PTPRS: variants seen among roughly 807,000 people sequenced by gnomAD.
PTPRS encodes the protein protein tyrosine phosphatase receptor type S.
In PTPRS, 63 loss-of-function variants were observed where a neutral mutation model predicts 215.3. That is an observed-to-expected ratio of 0.29 (90% CI 0.24 to 0.36). The LOEUF (loss-of-function observed/expected upper bound fraction) is 0.36, where lower values mean the gene tolerates loss of function less well. PTPRS is among the 10% of genes least tolerant of loss of function. The pLI is 1.00. For synonymous variants in PTPRS, 1,404 were observed against 1,191.4 expected (o/e 1.18, Z -3.68); for missense variants, 2,258 against 2,825.8 (o/e 0.80, Z 4.56).
rs951488381 is a variant in PTPRS, at chr19:5,295,975, C to T, written c.-94-9741G>A. 3.3e-5 allele frequency among the ~76,000 whole-genome samples: 5 copies of T among 152,256 alleles called. No homozygotes were observed. Among genetic ancestry groups the T allele is most frequent in the Middle Eastern group, 3.4e-3 (1 of 294 alleles). ...CTCCCCATGTTGCCCCGACTGGTCT[C>T]GAACTCCTAGACTCAAGTGAACCTC... On this transcript the variant is annotated intron_variant, in intron 1 of 37. Coordinates refer to ENST00000262963, the MANE Select transcript of PTPRS (RefSeq NM_002850.4). This position sits in a 1 kb window ranked among gnomAD's most constrained non-coding sequence, Gnocchi z 4.6.
chr19:5,311,689 T>C (rs1006489475), intron 1 of PTPRS, among the ~76,000 whole-genome samples: 1 of 151,668 alleles, frequency 6.6e-6, no homozygotes, highest in Non-Finnish European at 1.5e-5. Context: ...GCGGCTGGGG[T>C]GGAGATGGCA....
intron 13 of PTPRS, among the ~76,000 whole-genome samples, chr19:5,231,866 G>A (rs1249604214): frequency 6.6e-6 from 1 of 152,196 alleles, no homozygotes; most frequent in African/African-American, 2.4e-5. Context: ...TCACCAGGCT[G>A]CACCTACGTG....
chr19:5,278,376 G>A (rs1310757265), intron 2 of PTPRS, among the ~76,000 whole-genome samples: 1 of 151,882 alleles, frequency 6.6e-6, no homozygotes, highest in Non-Finnish European at 1.5e-5. Flanking sequence ...ATGCCATCAC[G>A]CCCAGCTAAT....
rs1369435982 is a variant in PTPRS at position 5,339,682 on chromosome 19, G to T, written c.-95+982C>A. ...CGGCGCGGGCACTCTAACCTGGGGG[G>T]CTCCCCTCAGGGCACGCCCCGCGCC... On this transcript the variant is annotated intron_variant, in intron 1 of 37. Coordinates refer to ENST00000262963, the MANE Select transcript of PTPRS (RefSeq NM_002850.4). This position sits in a 1 kb window ranked among gnomAD's most constrained non-coding sequence, Gnocchi z 4.2. Among the ~76,000 whole-genome samples, 1 of 151,896 alleles carries T rather than the reference G, an allele frequency of 6.6e-6. No individual in the cohort carries two copies. Among genetic ancestry groups the T allele is most frequent in the Non-Finnish European group, 1.5e-5 (1 of 67,898 alleles).
intron 1 of PTPRS, among the ~76,000 whole-genome samples, chr19:5,312,142 G>C (rs2049726489): frequency 6.6e-6 from 1 of 152,126 alleles, no homozygotes; most frequent in African/African-American, 2.4e-5. Flanking sequence ...TCATAGGAAA[G>C]CAAAAGAGAG....
At chr19:5,228,965 TACTC>T (rs1306284213) in intron 16 of PTPRS, among the ~76,000 whole-genome samples, 3 of 152,090 alleles carry the variant, frequency 2.0e-5, no homozygotes, top group Admixed American at 6.5e-5. Context: ...AGAGGAGACA[TACTC>T]ACAGGAGAAA....
At position 5,258,141 on chromosome 19, in the gene PTPRS, G is replaced by T. The variant is rs201905878; in HGVS notation, c.596-14C>A. 7.6e-5 allele frequency: 122 copies of T among 1,609,856 alleles called. No homozygotes were observed. In the African/African-American group the frequency reaches 1.3e-3, roughly 18 times the overall value. ...TCTGCAGGGCTCCTGTGGGAAGATG[G>T]GAAAAAGCTTGGTCTGTTAGAGGGG... On this transcript the variant is annotated splice_polypyrimidine_tract_variant and intron_variant, in intron 7 of 37. Transcript: ENST00000262963.
chr19:5,225,848 C>G lies in PTPRS; in HGVS notation c.2377-4G>C. On this transcript the variant is annotated splice_region_variant and splice_polypyrimidine_tract_variant and intron_variant, in intron 16 of 37. Transcript: ENST00000262963. ...GCAAGTTTGTGATGACCATCTCCTGCAGGCACGGCTGGGGGTCAGCACGAC... is the reference window on the plus strand; with the variant it reads ...GCAAGTTTGTGATGACCATCTCCTGGAGGCACGGCTGGGGGTCAGCACGAC... The G allele has an allele frequency of 1.2e-6, 2 of 1,612,664 alleles. No individual in the cohort carries two copies. The highest frequency in any genetic ancestry group is 1.7e-6 in the Non-Finnish European group (2 of 1,178,842).
At position 5,323,284 on chromosome 19, in the gene PTPRS, G is replaced by A. The variant is rs556087754; in HGVS notation, c.-95+17380C>T. Among the ~76,000 whole-genome samples, 9 of 152,240 alleles carry A rather than the reference G, an allele frequency of 5.9e-5. No individual in the cohort carries two copies. The East Asian group carries it at 9.7e-4, about 16-fold the overall frequency. ...TGAGGCAGGAGAATTGCTTCAATCC[G>A]GGAGGCAGAGGTTGCATGAACCAAG... On this transcript the variant is annotated intron_variant, in intron 1 of 37. Coordinates refer to ENST00000262963, the MANE Select transcript of PTPRS (RefSeq NM_002850.4).
intron 1 of PTPRS, among the ~76,000 whole-genome samples, chr19:5,324,802 C>T (rs573273731): frequency 3.0e-4 from 46 of 152,296 alleles, no homozygotes; most frequent in African/African-American, 9.9e-4. Flanking sequence ...GAGGTGGGAT[C>T]CGTGTCAGCA....
intron 28 of PTPRS, 24 bp from the exon 29 acceptor site, chr19:5,214,760 G>T: frequency 6.3e-7 from 1 of 1,582,314 alleles, no homozygotes. Context: ...GAGAGGCCAG[G>T]GATCTGTGGG....
chr19:5,257,918 G>A lies in PTPRS; in HGVS notation c.706+99C>T, dbSNP rs1202420075. On this transcript the variant is annotated intron_variant, in intron 8 of 37. Transcript: ENST00000262963. The surrounding 1 kb of genome is among the most constrained non-coding windows in gnomAD (Gnocchi z 4.4). ...CGGGGAGGGGCCTTCCTGCTTGGGT[G>A]TGCAGGGGACGGGGGAGCCCGGAGG... is the stretch of plus-strand genomic sequence containing the variant. 3 of 1,015,194 alleles carry A rather than the reference G, an allele frequency of 3.0e-6. No homozygotes were observed. The highest frequency in any genetic ancestry group is 4.4e-6 in the Non-Finnish European group (3 of 677,646). The allele number at this position is 1,015,194 out of a possible 1,614,324, so 62.9% of individuals were successfully genotyped here.
Position 5,215,425 on chromosome 19 carries a change from G to C in PTPRS, c.4195-13C>G, listed in dbSNP as rs1239423242. ...CAGGGTCGATGGACTACAGAGGAAGGGGAGAGCGCGGGTGTCAGGGTAGGT... is the reference window on the plus strand; with the variant it reads ...CAGGGTCGATGGACTACAGAGGAAGCGGAGAGCGCGGGTGTCAGGGTAGGT... On this transcript the variant is annotated splice_polypyrimidine_tract_variant and intron_variant, in intron 27 of 37. Transcript: ENST00000262963. 1 of 1,613,176 alleles carries C rather than the reference G, an allele frequency of 6.2e-7. No individual in the cohort carries two copies. Among genetic ancestry groups the C allele is most frequent in the Non-Finnish European group, 8.5e-7 (1 of 1,179,482 alleles).
chr19:5,222,741 G>T lies in PTPRS; in HGVS notation c.3051C>A (p.Gly1017=). Residue 1017 remains glycine (G), a synonymous_variant, in exon 18 of 38, where the codon GGC becomes GGA. Coordinates refer to ENST00000262963, the MANE Select transcript of PTPRS (RefSeq NM_002850.4). ...GGACGGGGGGGCTGAAGGGGCCAGG[G>T]CCCCGGCGCGTGTGGGCTCGCACTT... ...DLQVRAHTRR[G]PGPFSPPVRY... 6.3e-7 allele frequency: 1 copy of T among 1,598,162 alleles called. No individual in the cohort carries two copies.
intron 7 of PTPRS, among the ~76,000 whole-genome samples, chr19:5,258,541 G>T (rs542062358): frequency 1.3e-5 from 2 of 152,312 alleles, no homozygotes; most frequent in African/African-American, 4.8e-5. Flanking sequence ...GGACCTGAGG[G>T]GGCCCACCAC....
Position 5,223,288 on chromosome 19 carries a change from C to A in PTPRS, c.2504G>T (p.Arg835Leu), listed in dbSNP as rs746587534. The A allele has an allele frequency of 3.4e-6, 5 of 1,459,370 alleles. No homozygotes were observed. Among genetic ancestry groups the A allele is most frequent in the Admixed American group, 2.5e-5 (1 of 39,608 alleles). The allele number at this position is 1,459,370 out of a possible 1,614,324, so 90.4% of individuals were successfully genotyped here. A position where few individuals can be genotyped will look rare whatever the true frequency, so the allele number is the denominator to read the frequency against. Residue 835 changes from arginine to leucine, a missense_variant, in exon 18 of 38, where the codon CGC (arginine) becomes CTC (leucine). By Grantham distance (102) the Arg-to-Leu change is moderately radical. Coordinates refer to ENST00000262963, the MANE Select transcript of PTPRS (RefSeq NM_002850.4). ...GGTCTGCTGCACCGACAGGGTTGGG[C>A]GGCCCAGCACTGCGGGGATACGGGG... The part of the protein sequence containing the change: ...VVVTKGAVLG[R>L]PTLSVQQTPE...
rs1242358227 is a variant in PTPRS, at chr19:5,229,361, G to A, written c.2350-19C>T. 2.9e-6 allele frequency: 4 copies of A among 1,374,776 alleles called. No homozygotes were observed. The highest frequency in any genetic ancestry group is 3.1e-5 in the Admixed American group (1 of 31,916). The allele number at this position is 1,374,776 out of a possible 1,614,324, so 85.2% of individuals were successfully genotyped here. ...TCTCCCACTGAGCGCGGGAGGAGGC[G>A]GCAGGGGAGAGAGGAGGAAGGTGAG... On this transcript the variant is annotated intron_variant, in intron 15 of 37. Coordinates refer to ENST00000262963, the MANE Select transcript of PTPRS (RefSeq NM_002850.4).
chr19:5,327,799 C>T (rs564341230), intron 1 of PTPRS, among the ~76,000 whole-genome samples: 96 of 152,070 alleles, frequency 6.3e-4, no homozygotes, highest in African/African-American at 2.2e-3. Context: ...TGGGGTCTTC[C>T]TATGTTGCCC....
chr19:5,226,067 A>C (rs568995997), intron 16 of PTPRS, among the ~76,000 whole-genome samples: 1 of 151,984 alleles, frequency 6.6e-6, no homozygotes, highest in Non-Finnish European at 1.5e-5. Flanking sequence ...GCCAGGACCA[A>C]CTCGGTCCTC....
Sources: gnomAD v4.1 joint callset for allele counts (sites outside exome capture counted in the v4.1 genomes callset) on GRCh38, gnomAD v4.1.1 for gene constraint, Gnocchi (gnomAD v3.1) non-coding constraint, MANE v1.5 for transcripts, NCBI Gene and HGNC (gene_info 2026-07-23, HGNC 2026-07-21) for gene names.